Variants in FRMD4A observed in about 807,000 individuals in gnomAD.
FRMD4A encodes FERM domain-containing protein 4A.
In FRMD4A, 29 loss-of-function variants were observed where a neutral mutation model predicts 129.1. The observed-to-expected ratio is 0.22, with a 90% CI of 0.17 to 0.31. The LOEUF (loss-of-function observed/expected upper bound fraction) is 0.31, where lower values mean the gene tolerates loss of function less well. Ranked by LOEUF, FRMD4A falls within the 10% of genes least tolerant of loss-of-function variation. FRMD4A has a pLI of 1.00. For synonymous variants in FRMD4A, 634 were observed against 571.6 expected, an observed-to-expected ratio of 1.11 and a Z score of -1.56; for missense variants, 1,272 against 1,375.8, an observed-to-expected ratio of 0.92 and a Z score of 1.19.
rs562354310 is a variant in FRMD4A, at chr10:14,139,180, A to AT, written c.45+190877dup. ...ATGTGCATGGGGAATGAAGCCAATT[A>AT]TTTTTTTGGAATTTGGCAGTCAAAT... On this transcript the variant is annotated intron_variant, in intron 2 of 24. Transcript: ENST00000357447. Among the ~76,000 whole-genome samples, 169 of 151,706 alleles carry AT rather than the reference A, an allele frequency of 1.1e-3. 1 individual carries two copies. Among genetic ancestry groups the AT allele is most frequent in the Middle Eastern group, 3.4e-3 (1 of 294 alleles).
chr10:14,103,589 G>C (rs2131779153), intron 2 of FRMD4A, among the ~76,000 whole-genome samples: 1 of 152,314 alleles, frequency 6.6e-6, no homozygotes, highest in Middle Eastern at 3.4e-3. Context: ...GCCACTATCA[G>C]TACATCTAGT....
chr10:13,672,368 T>G (rs1171271329), intron 16 of FRMD4A, among the ~76,000 whole-genome samples: 1 of 152,192 alleles, frequency 6.6e-6, no homozygotes, highest in Non-Finnish European at 1.5e-5. Context: ...TTTAATCTGC[T>G]TCCCTAAAAG....
At chr10:14,031,903 C>T (rs930938393) in intron 2 of FRMD4A, among the ~76,000 whole-genome samples, 2 of 152,022 alleles carry the variant, frequency 1.3e-5, no homozygotes, top group African/African-American at 4.8e-5. Context: ...CATTGCCTTT[C>T]CCATGGGCCT....
At chr10:14,159,767 T>G (rs368217559) in intron 2 of FRMD4A, among the ~76,000 whole-genome samples, 1 of 152,210 alleles carries the variant, frequency 6.6e-6, no homozygotes, top group Admixed American at 6.5e-5. Flanking sequence ...TACCAAATGC[T>G]GGCTGGGCAC....
chr10:14,055,506 C>T (rs535280412), intron 2 of FRMD4A, among the ~76,000 whole-genome samples: 1 of 150,794 alleles, frequency 6.6e-6, no homozygotes, highest in South Asian at 2.1e-4. Flanking sequence ...CACTCAAGAC[C>T]TAAGACAGTG....
intron 2 of FRMD4A, among the ~76,000 whole-genome samples, chr10:13,884,174 A>ACACACTCACACACACTCACACACT (rs769193704): frequency 9.5e-6 from 1 of 105,216 alleles, no homozygotes; most frequent in African/African-American, 3.6e-5. Flanking sequence ...ACACTCACAC[A>ACACACTCACACACACTCACACACT]CTCACACACA....
intron 2 of FRMD4A, among the ~76,000 whole-genome samples, chr10:14,192,889 C>T (rs1311541186): frequency 6.6e-6 from 1 of 152,142 alleles, no homozygotes; most frequent in African/African-American, 2.4e-5. Context: ...CTAATCACAC[C>T]AATAGGGTGC....
intron 2 of FRMD4A, among the ~76,000 whole-genome samples, chr10:13,865,581 T>C (rs1266590350): frequency 6.6e-6 from 1 of 151,712 alleles, no homozygotes; most frequent in Non-Finnish European, 1.5e-5. Flanking sequence ...CTCCTGAGTA[T>C]CTGGGACTAC....
At position 13,707,130 on chromosome 10, in the gene FRMD4A, G is replaced by A. The variant is rs749005596; in HGVS notation, c.760-17C>T. On this transcript the variant is annotated splice_polypyrimidine_tract_variant and intron_variant, in intron 12 of 24. Coordinates refer to ENST00000357447, the MANE Select transcript of FRMD4A (RefSeq NM_018027.5). ...TTGGAATATCTGGACAGAAAACAGT[G>A]TAGTTTAAAACTCAGGAGGGGCTGG... The A allele has an allele frequency of 2.8e-6, 4 of 1,450,482 alleles. No homozygotes were observed. Among genetic ancestry groups the A allele is most frequent in the South Asian group, 2.3e-5 (2 of 87,738 alleles). 89.9% of individuals were successfully genotyped at this position (1,450,482 alleles called of 1,614,324 possible).
At chr10:13,704,494 C>T (rs1232211596) in intron 13 of FRMD4A, among the ~76,000 whole-genome samples, 2 of 152,134 alleles carry the variant, frequency 1.3e-5, no homozygotes, top group African/African-American at 2.4e-5. Flanking sequence ...TCTATATCCC[C>T]CTGAGGCCCT....
chr10:14,284,408 G>C (rs893342759), intron 2 of FRMD4A, among the ~76,000 whole-genome samples: 3 of 152,154 alleles, frequency 2.0e-5, no homozygotes, highest in Non-Finnish European at 4.4e-5. Flanking sequence ...CAGCACTTTG[G>C]GAGGCCGAGG....
chr10:13,899,564 G>T (rs2094796489), intron 2 of FRMD4A, among the ~76,000 whole-genome samples: 2 of 152,154 alleles, frequency 1.3e-5, no homozygotes, highest in Non-Finnish European at 2.9e-5. Context: ...CTGGCAGGCT[G>T]AGGTGGGACG....
chr10:13,840,862 A>T (rs1487324214), intron 3 of FRMD4A, among the ~76,000 whole-genome samples: 1 of 149,246 alleles, frequency 6.7e-6, no homozygotes, highest in Non-Finnish European at 1.5e-5. Context: ...TAATCCCAGC[A>T]CTTTGGGAGG....
chr10:13,828,032 T>C (rs1416690267), intron 3 of FRMD4A, among the ~76,000 whole-genome samples: 1 of 152,196 alleles, frequency 6.6e-6, no homozygotes, highest in East Asian at 1.9e-4. Flanking sequence ...ATGGCGGGGC[T>C]CTCAGAGTGC....
intron 2 of FRMD4A, among the ~76,000 whole-genome samples, chr10:14,111,145 C>T (rs1270713079): frequency 1.3e-5 from 2 of 152,206 alleles, no homozygotes; most frequent in Non-Finnish European, 2.9e-5. Context: ...TATTCCCTCT[C>T]TACCCTAGCT....
At chr10:13,973,212 C>G (rs2095527657) in intron 2 of FRMD4A, among the ~76,000 whole-genome samples, 1 of 152,186 alleles carries the variant, frequency 6.6e-6, no homozygotes, top group South Asian at 2.1e-4. Context: ...CACTTATGAT[C>G]TGGTAATTCA....
chr10:13,919,185 C>G (rs1388292007), intron 2 of FRMD4A, among the ~76,000 whole-genome samples: 1 of 152,118 alleles, frequency 6.6e-6, no homozygotes, highest in Non-Finnish European at 1.5e-5. Flanking sequence ...AGTCTCTTAG[C>G]AGAAAAGGTT....
intron 2 of FRMD4A, among the ~76,000 whole-genome samples, chr10:14,089,640 C>CAAAAAAAAAAAAAAAAAAAAAAAAA (rs759243260): frequency 5.7e-5 from 4 of 70,270 alleles, no homozygotes; most frequent in African/African-American, 2.0e-4. Flanking sequence ...CAAAAAAAAA[C>CAAAAAAAAAAAAAAAAAAAAAAAAA]AAACAAAAAA....
At position 14,039,402 on chromosome 10, in the gene FRMD4A, C is replaced by CTAT. The variant is rs1264131106; in HGVS notation, c.46-180491_46-180490insATA. Among the ~76,000 whole-genome samples the CTAT allele has an allele frequency of 3.2e-3, 484 of 149,844 alleles. 4 individuals are homozygous for CTAT. The highest frequency in any genetic ancestry group is 0.011 in the African/African-American group (448 of 39,920). Reference sequence around the variant, plus strand: ...TCCATCCATCCATCCATCCATCCATCCATCCATCTATCTATCTATCTATCT... The same window carrying CTAT: ...TCCATCCATCCATCCATCCATCCATCTATCATCCATCTATCTATCTATCTATCT... On this transcript the variant is annotated intron_variant, in intron 2 of 24. Transcript: ENST00000357447.
Sources: gnomAD v4.1 joint callset for allele counts (sites outside exome capture counted in the v4.1 genomes callset) on GRCh38, gnomAD v4.1.1 for gene constraint, MANE v1.5 for transcripts, NCBI Gene and HGNC (gene_info 2026-07-23, HGNC 2026-07-21) for gene names.